Variants in SETD4 observed in about 807,000 individuals in gnomAD.
SETD4 encodes the protein SET domain-containing protein 4.
SETD4 carries 46 observed loss-of-function variants against 58.3 expected under a neutral mutation model. That is an observed-to-expected ratio of 0.79 (90% confidence interval 0.62 to 1.01). SETD4 has a LOEUF of 1.01. SETD4 is among the 50% of genes least tolerant of loss of function. SETD4 has a pLI of 0.00. For missense variants in SETD4, 490 were observed against 523.3 expected (o/e 0.94, Z 0.62); for synonymous variants, 190 against 202.6 (o/e 0.94, Z 0.53).
intron 8 of SETD4, among the ~76,000 whole-genome samples, chr21:36,041,157 CTCAAA>C: frequency 4.4e-5 from 3 of 68,918 alleles, no homozygotes; most frequent in African/African-American, 6.5e-5. Flanking sequence ...AAGACTCCTT[CTCAAA>C]AAAAAAAAAA....
At chr21:36,048,133 C>A (rs2064444490) in intron 5 of SETD4, among the ~76,000 whole-genome samples, 175 bp downstream of exon 5, 1 of 150,794 alleles carries the variant, frequency 6.6e-6, no homozygotes, top group Admixed American at 6.6e-5. Context: ...GGCAGGAAGG[C>A]AGGGAGGGAG....
chr21:36,053,150 A>G (rs2064801223), intron 4 of SETD4: 1 of 193,012 alleles, frequency 5.2e-6, no homozygotes, highest in African/African-American at 2.4e-5. Flanking sequence ...GGCCAAGGAC[A>G]GAGGGACTGG....
chr21:36,051,599 G>C (rs147474336), intron 4 of SETD4, among the ~76,000 whole-genome samples: 48 of 152,280 alleles, frequency 3.2e-4, no homozygotes, highest in African/African-American at 1.2e-3. Flanking sequence ...GTGGGGTATA[G>C]AAAAATGTCA....
At chr21:36,053,904 C>T (rs1006990185) in intron 3 of SETD4, among the ~76,000 whole-genome samples, 2 of 152,212 alleles carry the variant, frequency 1.3e-5, no homozygotes, top group East Asian at 1.9e-4. Context: ...TCCTGCAGGA[C>T]GCTTTGGGCT....
At chr21:36,050,930 G>A in intron 4 of SETD4, 1 of 1,609,778 alleles carries the variant, frequency 6.2e-7, no homozygotes, top group Non-Finnish European at 8.5e-7. Flanking sequence ...TGGGGATGAT[G>A]TGTTCATTGA....
chr21:36,050,528 C>T (rs1323189121), intron 4 of SETD4: 65 of 1,613,706 alleles, frequency 4.0e-5, no homozygotes, highest in Non-Finnish European at 5.2e-5. Context: ...AGTTAATGAA[C>T]CGACTTCAAG....
chr21:36,047,634 A>G (rs556030250), intron 5 of SETD4, among the ~76,000 whole-genome samples: 3 of 152,034 alleles, frequency 2.0e-5, no homozygotes, highest in Non-Finnish European at 2.9e-5. Flanking sequence ...GGATCGGGAT[A>G]TCATACCCAC....
intron 2 of SETD4, among the ~76,000 whole-genome samples, chr21:36,058,590 C>T (rs117902566): frequency 0.011 from 1,680 of 151,590 alleles, 7 homozygotes; most frequent in Admixed American, 0.019. Context: ...TGCTGGCTCA[C>T]GCCTGTAGTC....
intron 3 of SETD4, among the ~76,000 whole-genome samples, chr21:36,054,410 A>G (rs2123746930): frequency 6.6e-6 from 1 of 152,368 alleles, no homozygotes; most frequent in East Asian, 1.9e-4. Context: ...TTACATGGTC[A>G]TAAGAGGCCT....
intron 4 of SETD4, chr21:36,050,680 T>A: frequency 1.9e-6 from 3 of 1,602,320 alleles, no homozygotes; most frequent in Admixed American, 1.7e-5. Flanking sequence ...GAGTTCCCAA[T>A]GGTAGTAAAG....
chr21:36,044,817 C>T (rs2064232521), intron 6 of SETD4, among the ~76,000 whole-genome samples: 1 of 152,194 alleles, frequency 6.6e-6, no homozygotes, highest in African/African-American at 2.4e-5. Flanking sequence ...GACACAGATC[C>T]CAGCCATGTC....
intron 4 of SETD4, chr21:36,051,170 G>A: frequency 6.3e-7 from 1 of 1,589,734 alleles, no homozygotes; most frequent in South Asian, 1.1e-5. Context: ...GTATGTCCCT[G>A]CTCTCTGTGG....
intron 8 of SETD4, among the ~76,000 whole-genome samples, chr21:36,041,251 G>A (rs1041956627): frequency 8.1e-5 from 12 of 147,644 alleles, no homozygotes; most frequent in African/African-American, 2.7e-4. Context: ...CCCAGTAAGA[G>A]AAACGCTTAA....
In SETD4 at chr21:36,038,075, C is replaced by G. The variant is rs1346894541; in HGVS notation, c.1188+75G>C. 11 of 1,484,736 alleles carry G rather than the reference C, an allele frequency of 7.4e-6. No individual in the cohort carries two copies. In the Admixed American group the frequency reaches 2.3e-4, roughly 32 times the overall value. 92.0% of individuals were successfully genotyped at this position (1,484,736 alleles called of 1,614,324 possible). A position where few individuals can be genotyped will look rare whatever the true frequency, so the allele number is the denominator to read the frequency against. On this transcript the variant is annotated intron_variant, in intron 10 of 11. Coordinates refer to ENST00000332131, the MANE Select transcript of SETD4 (RefSeq NM_017438.5). ...CAATGCTCTTATGAAATGCACTATC[C>G]CTAATAACATGTACAAAACAAGGAA...
rs1375807351 is a variant in SETD4 at position 36,041,156 on chromosome 21, T to C, written c.984-501A>G. Among the ~76,000 whole-genome samples the C allele has an allele frequency of 5.7e-5, 4 of 70,344 alleles. No homozygotes were observed. In the East Asian group the frequency reaches 1.5e-3, roughly 27 times the overall value. The allele number at this position is 70,344 out of a possible 152,430, so 46.1% of individuals were successfully genotyped here. On this transcript the variant is annotated intron_variant, in intron 8 of 11. Transcript: ENST00000332131. ...GCCTGGGCGACAGAGCAAGACTCCT[T>C]CTCAAAAAAAAAAAAAAAAAAAAAA...
intron 2 of SETD4, 138 bp from the exon 3 acceptor site, chr21:36,057,342 G>C: frequency 1.3e-6 from 1 of 769,766 alleles, no homozygotes; most frequent in African/African-American, 1.7e-5. Context: ...ACATAGAAAA[G>C]TTACAATAAA....
At chr21:36,060,284 C>A in intron 1 of SETD4, 63 bp downstream of exon 1, 2 of 331,688 alleles carry the variant, frequency 6.0e-6, no homozygotes, top group South Asian at 1.2e-4. Context: ...GAACGCACCC[C>A]GCCGACTCTG....
In SETD4 at chr21:36,045,671, G is replaced by A; in HGVS notation, c.637C>T (p.Pro213Ser). 3.1e-6 allele frequency: 5 copies of A among 1,614,142 alleles called. No homozygotes were observed. Among genetic ancestry groups the A allele is most frequent in the Non-Finnish European group, 4.2e-6 (5 of 1,180,036 alleles). The change falls in exon 6 of 12, where the codon CCC (proline) becomes TCC (serine). Residue 213 changes from proline to serine, a missense_variant. Transcript: ENST00000332131. ...GCAGAAAGGCATTCCCGCTGCCTGGGCCTCAGGTACACGGCTCTGGTGTTG... is the reference window on the plus strand; with the variant it reads ...GCAGAAAGGCATTCCCGCTGCCTGGACCTCAGGTACACGGCTCTGGTGTTG... ...TVNTRAVYLR[P>S]RQRECLSAEP... is the part of the protein sequence containing the mutation.
At chr21:36,040,175 G>A (rs1170139530) in intron 9 of SETD4, among the ~76,000 whole-genome samples, 1 of 152,208 alleles carries the variant, frequency 6.6e-6, no homozygotes, top group Non-Finnish European at 1.5e-5. Flanking sequence ...CTTCAGCCAG[G>A]TTTCTGGATC....
Sources: allele counts gnomAD v4.1 joint callset (sites outside exome capture counted in the v4.1 genomes callset), GRCh38; gene constraint gnomAD v4.1.1; transcripts MANE v1.5; gene names NCBI Gene and HGNC (gene_info 2026-07-23, HGNC 2026-07-21).